BMERB1: variants seen among roughly 807,000 people sequenced by gnomAD.
BMERB1 encodes the protein bMERB domain containing 1, also known as bMERB domain-containing protein 1.
BMERB1 carries 12 observed loss-of-function variants against 23.6 expected under a neutral mutation model. The ratio of observed to expected loss-of-function variants is 0.51; its 90% confidence interval spans 0.33 to 0.82. The LOEUF is 0.82. Ranked by LOEUF, BMERB1 falls within the 40% of genes least tolerant of loss-of-function variation. The pLI is 0.03. For synonymous variants in BMERB1, 122 were observed against 96.6 expected (o/e 1.26, Z -1.54); for missense variants, 247 against 255.4 (o/e 0.97, Z 0.22).
intron 4 of BMERB1, among the ~76,000 whole-genome samples, chr16:15,582,445 T>C (rs1359991219): frequency 6.6e-6 from 1 of 152,058 alleles, no homozygotes; most frequent in Non-Finnish European, 1.5e-5. Flanking sequence ...CAACAAATAT[T>C]ATATTCTCCT....
At position 15,587,210 on chromosome 16, in the gene BMERB1, A is replaced by G. The variant is rs1221624106; in HGVS notation, c.*381A>G. ...AGCTGTGTGTAGTCGTGACTTCTCA[A>G]CAATCTAGCACCATGTCGGACACGT... On this transcript the variant is annotated 3_prime_UTR_variant, in exon 6 of 6. Coordinates refer to ENST00000300006, the MANE Select transcript of BMERB1 (RefSeq NM_033201.3). 2.1e-5 allele frequency: 5 copies of G among 232,814 alleles called. No individual in the cohort carries two copies. The South Asian group carries it at 2.2e-4, about 10-fold the overall frequency. The allele number at this position is 232,814 out of a possible 1,614,324, so 14.4% of individuals were successfully genotyped here.
intron 1 of BMERB1, among the ~76,000 whole-genome samples, chr16:15,468,896 G>C (rs953465365): frequency 1.3e-5 from 2 of 151,008 alleles, no homozygotes; most frequent in African/African-American, 4.9e-5. Context: ...TTTTTGGCCT[G>C]TGGATATCCA....
chr16:15,565,387 C>T (rs940551258), intron 2 of BMERB1, among the ~76,000 whole-genome samples: 2 of 152,210 alleles, frequency 1.3e-5, no homozygotes, highest in Non-Finnish European at 2.9e-5. Context: ...TCCAAGCTGA[C>T]CCACTACATC....
At chr16:15,437,972 T>C (rs1223419058) in intron 1 of BMERB1, among the ~76,000 whole-genome samples, 1 of 151,448 alleles carries the variant, frequency 6.6e-6, no homozygotes, top group Non-Finnish European at 1.5e-5. Flanking sequence ...AAAAAGAGTC[T>C]GGTATAAAGT....
At chr16:15,561,526 C>T (rs1326744127) in intron 2 of BMERB1, among the ~76,000 whole-genome samples, 2 of 151,622 alleles carry the variant, frequency 1.3e-5, no homozygotes, top group African/African-American at 2.4e-5. Context: ...ACCTCGGCCT[C>T]CCAAAGTGCT....
intron 1 of BMERB1, among the ~76,000 whole-genome samples, chr16:15,508,257 C>A (rs1445835482): frequency 6.6e-6 from 1 of 152,090 alleles, no homozygotes; most frequent in African/African-American, 2.4e-5. Context: ...GTAAACCTGG[C>A]TTTCCTAACT....
chr16:15,578,542 G>A (rs1043132831), intron 3 of BMERB1, among the ~76,000 whole-genome samples: 1 of 152,062 alleles, frequency 6.6e-6, no homozygotes, highest in Non-Finnish European at 1.5e-5. Flanking sequence ...TTCCAAATAG[G>A]GCACACATGA....
rs139642218 is a variant in BMERB1 at position 15,450,538 on chromosome 16, T to A, written c.106+15779T>A. ...CAGGCTGGAGTTCAGTGGCATGATC[T>A]TGGCTCACTGCAGCCTCCACCTCCT... On this transcript the variant is annotated intron_variant, in intron 1 of 5. Coordinates refer to ENST00000300006, the MANE Select transcript of BMERB1 (RefSeq NM_033201.3). 3.7e-3 allele frequency among the ~76,000 whole-genome samples: 570 copies of A among 152,250 alleles called. 3 individuals are homozygous for A. The highest frequency in any genetic ancestry group is 0.013 in the African/African-American group (540 of 41,534).
At chr16:15,522,273 C>G (rs1027148848) in intron 2 of BMERB1, among the ~76,000 whole-genome samples, 1 of 152,210 alleles carries the variant, frequency 6.6e-6, no homozygotes, top group African/African-American at 2.4e-5. Flanking sequence ...GGACATATTT[C>G]AAGAGCACAG....
chr16:15,497,994 T>C (rs2150941956), intron 1 of BMERB1, among the ~76,000 whole-genome samples: 1 of 152,318 alleles, frequency 6.6e-6, no homozygotes, highest in East Asian at 1.9e-4. Context: ...CTGTGCTCAA[T>C]GTGTGAATCC....
At chr16:15,523,479 C>A (rs993769626) in intron 2 of BMERB1, among the ~76,000 whole-genome samples, 3 of 152,102 alleles carry the variant, frequency 2.0e-5, no homozygotes, top group Admixed American at 2.0e-4. Flanking sequence ...CCCAGCACTT[C>A]CCTTCCTTCC....
At chr16:15,575,101 A>AT (rs1218178279) in intron 3 of BMERB1, among the ~76,000 whole-genome samples, 12 of 152,066 alleles carry the variant, frequency 7.9e-5, no homozygotes, top group Middle Eastern at 6.8e-3. Flanking sequence ...AAATAAAAAT[A>AT]ATAAAAATCG....
At chr16:15,540,150 A>T (rs183412807) in intron 2 of BMERB1, among the ~76,000 whole-genome samples, 4 of 151,616 alleles carry the variant, frequency 2.6e-5, no homozygotes, top group Admixed American at 1.3e-4. Context: ...CTGCTGAAAA[A>T]AATATATATA....
chr16:15,547,272 A>G (rs549218218), intron 2 of BMERB1, among the ~76,000 whole-genome samples: 8 of 150,976 alleles, frequency 5.3e-5, no homozygotes, highest in African/African-American at 1.9e-4. Context: ...TCTGCCTTCT[A>G]AAGTGCTGGG....
chr16:15,509,051 C>G (rs1032315518), intron 1 of BMERB1, among the ~76,000 whole-genome samples: 1 of 151,940 alleles, frequency 6.6e-6, no homozygotes, highest in African/African-American at 2.4e-5. Context: ...CACCTGGAGC[C>G]TGGCACCACC....
intron 2 of BMERB1, among the ~76,000 whole-genome samples, chr16:15,548,024 G>A (rs1019634659): frequency 6.6e-5 from 10 of 152,264 alleles, no homozygotes; most frequent in South Asian, 2.1e-4. Context: ...TCTGTTTGTC[G>A]CCCGGGCTGG....
chr16:15,454,065 G>T (rs998035121), intron 1 of BMERB1, among the ~76,000 whole-genome samples: 3 of 151,962 alleles, frequency 2.0e-5, no homozygotes, highest in African/African-American at 4.8e-5. Flanking sequence ...ACACATCTCT[G>T]CTCTCTAGGG....
chr16:15,567,760 CACAA>C (rs569166381), intron 2 of BMERB1, among the ~76,000 whole-genome samples: 64 of 152,182 alleles, frequency 4.2e-4, no homozygotes, highest in Admixed American at 1.0e-3. Flanking sequence ...GAGACTCTGT[CACAA>C]ACAAACAAAC....
At chr16:15,437,910 A>T (rs960610779) in intron 1 of BMERB1, among the ~76,000 whole-genome samples, 18 of 149,862 alleles carry the variant, frequency 1.2e-4, no homozygotes, top group African/African-American at 3.9e-4. Flanking sequence ...GTGAGCCGAG[A>T]TTGCACCACT....
Sources: gnomAD v4.1 joint callset for allele counts (sites outside exome capture counted in the v4.1 genomes callset) on GRCh38, gnomAD v4.1.1 for gene constraint, MANE v1.5 for transcripts, NCBI Gene and HGNC (gene_info 2026-07-23, HGNC 2026-07-21) for gene names.